Variants in MAMDC2 observed in about 807,000 individuals in gnomAD.
The protein encoded by MAMDC2 is MAM domain-containing protein 2.
Under a neutral mutation model 89.8 loss-of-function variants are expected in MAMDC2, and 57 were observed. That is an observed-to-expected ratio of 0.63 (90% CI 0.51 to 0.79). The LOEUF is 0.79. Among genes scored for constraint, MAMDC2 ranks in the 30% least tolerant of loss-of-function variants. The pLI is 0.00. For missense variants in MAMDC2, 800 were observed against 820.6 expected (o/e 0.97, Z 0.31); for synonymous variants, 313 against 293.4 (o/e 1.07, Z -0.68).
At chr9:70,115,771 C>G (rs755822916) in intron 5 of MAMDC2, among the ~76,000 whole-genome samples, 1 of 152,142 alleles carries the variant, frequency 6.6e-6, no homozygotes, top group African/African-American at 2.4e-5. Flanking sequence ...TGAATGATAA[C>G]CAGTCATGGC....
At chr9:70,208,359 G>A (rs1410553991) in intron 11 of MAMDC2, among the ~76,000 whole-genome samples, 4 of 152,150 alleles carry the variant, frequency 2.6e-5, no homozygotes, top group Non-Finnish European at 1.5e-5. Context: ...TCCCTTGTAA[G>A]TTGGATTCCT....
At chr9:70,115,464 C>G (rs1050694765) in intron 5 of MAMDC2, among the ~76,000 whole-genome samples, 1 of 151,986 alleles carries the variant, frequency 6.6e-6, no homozygotes, top group Admixed American at 6.6e-5. Flanking sequence ...AAGCAATTCT[C>G]CCTGCCTCAG....
chr9:70,095,353 G>A (rs546896674), intron 2 of MAMDC2, among the ~76,000 whole-genome samples: 4 of 152,302 alleles, frequency 2.6e-5, no homozygotes, highest in Admixed American at 6.5e-5. Flanking sequence ...GCAGATAGAC[G>A]TATCAGAAGG....
At chr9:70,214,454 G>A (rs2033409570) in intron 11 of MAMDC2, among the ~76,000 whole-genome samples, 1 of 152,186 alleles carries the variant, frequency 6.6e-6, no homozygotes, top group African/African-American at 2.4e-5. Flanking sequence ...AAAGCCAGTA[G>A]GAATGAGACA....
In MAMDC2 at chr9:70,050,352, A is replaced by C. The variant is rs188711668; in HGVS notation, c.148+5655A>C. Among the ~76,000 whole-genome samples, 62 of 152,324 alleles carry C rather than the reference A, an allele frequency of 4.1e-4. 1 individual carries two copies. Among genetic ancestry groups the C allele is most frequent in the Admixed American group, 3.7e-3 (57 of 15,300 alleles). ...GTGTTTTCCTACGTGCTCCTGGTTC[A>C]TTCTGCCCCTTCAAAGGTAGTTCCT... On this transcript the variant is annotated intron_variant, in intron 2 of 13. Transcript: ENST00000377182.
chr9:70,209,564 T>C (rs1345277170), intron 11 of MAMDC2, among the ~76,000 whole-genome samples: 2 of 147,858 alleles, frequency 1.4e-5, no homozygotes, highest in African/African-American at 5.0e-5. Flanking sequence ...ATCTATTTTA[T>C]TGATCTTTTT....
intron 2 of MAMDC2, among the ~76,000 whole-genome samples, chr9:70,068,111 GA>G (rs1333398295): frequency 6.6e-6 from 1 of 152,176 alleles, no homozygotes; most frequent in African/African-American, 2.4e-5. Context: ...GACTTATAAA[GA>G]GAATCCAGAG....
At chr9:70,137,144 A>T (rs2118390605) in intron 7 of MAMDC2, among the ~76,000 whole-genome samples, 1 of 152,154 alleles carries the variant, frequency 6.6e-6, no homozygotes, top group Non-Finnish European at 1.5e-5. Context: ...GTTGTTAATC[A>T]GTTACTTTTT....
intron 2 of MAMDC2, among the ~76,000 whole-genome samples, chr9:70,099,622 T>C (rs754526982): frequency 1.6e-4 from 24 of 152,060 alleles, no homozygotes; most frequent in Non-Finnish European, 2.2e-4. Context: ...CTAGGGAGAA[T>C]AGATCCAGTC....
intron 2 of MAMDC2, among the ~76,000 whole-genome samples, chr9:70,048,011 T>G (rs1170942741): frequency 6.6e-6 from 1 of 152,198 alleles, no homozygotes; most frequent in Non-Finnish European, 1.5e-5. Context: ...TGTGTTGGCT[T>G]GGGTTATTTA....
At chr9:70,089,648 T>A (rs1455065151) in intron 2 of MAMDC2, among the ~76,000 whole-genome samples, 2 of 152,070 alleles carry the variant, frequency 1.3e-5, no homozygotes, top group African/African-American at 4.8e-5. Flanking sequence ...AGAAGCTGGA[T>A]GGAAAAGTTG....
chr9:70,137,019 A>T (rs1266492061), intron 7 of MAMDC2, among the ~76,000 whole-genome samples: 1 of 152,142 alleles, frequency 6.6e-6, no homozygotes, highest in Admixed American at 6.5e-5. Flanking sequence ...CCTCTTCTCC[A>T]GTCTGGCTCA....
intron 11 of MAMDC2, among the ~76,000 whole-genome samples, chr9:70,200,154 A>T (rs1284080803): frequency 6.6e-6 from 1 of 152,128 alleles, no homozygotes; most frequent in Non-Finnish European, 1.5e-5. Context: ...GGTAATGCCT[A>T]GGTTTTCTCC....
intron 2 of MAMDC2, among the ~76,000 whole-genome samples, chr9:70,068,054 T>C (rs1057066985): frequency 7.9e-5 from 12 of 152,216 alleles, no homozygotes; most frequent in Admixed American, 7.8e-4. Flanking sequence ...TCTGAGCTGA[T>C]ACAAATTACA....
intron 9 of MAMDC2, among the ~76,000 whole-genome samples, chr9:70,166,362 T>A (rs1324442724): frequency 6.6e-6 from 1 of 151,032 alleles, no homozygotes; most frequent in Non-Finnish European, 1.5e-5. Context: ...CACACACATA[T>A]AAATATAGAA....
intron 6 of MAMDC2, among the ~76,000 whole-genome samples, chr9:70,128,602 T>C (rs926534893): frequency 6.6e-6 from 1 of 151,728 alleles, no homozygotes; most frequent in African/African-American, 2.4e-5. Flanking sequence ...AGCTAATTAG[T>C]GGCTAGCTAG....
chr9:70,110,876 A>AT (rs1403277733), intron 4 of MAMDC2, among the ~76,000 whole-genome samples: 1 of 152,136 alleles, frequency 6.6e-6, no homozygotes, highest in African/African-American at 2.4e-5. Flanking sequence ...GAATTGAGAG[A>AT]TTTTTCAGCA....
chr9:70,059,424 G>C (rs1460862078), intron 2 of MAMDC2, among the ~76,000 whole-genome samples: 1 of 152,176 alleles, frequency 6.6e-6, no homozygotes, highest in Admixed American at 6.5e-5. Flanking sequence ...GCATTAGGAA[G>C]CCACAGGAGA....
At chr9:70,070,493 A>G (rs1827377286) in intron 2 of MAMDC2, among the ~76,000 whole-genome samples, 1 of 152,196 alleles carries the variant, frequency 6.6e-6, no homozygotes, top group African/African-American at 2.4e-5. Flanking sequence ...ACTCACTGCA[A>G]TGTAGTATAA....
Sources: gnomAD v4.1 joint callset for allele counts (sites outside exome capture counted in the v4.1 genomes callset) on GRCh38, gnomAD v4.1.1 for gene constraint, MANE v1.5 for transcripts, NCBI Gene and HGNC (gene_info 2026-07-23, HGNC 2026-07-21) for gene names.